WWOX: variants seen among roughly 807,000 people sequenced by gnomAD.
WWOX encodes WW domain-containing oxidoreductase.
WWOX carries 69 observed loss-of-function variants against 46.2 expected under a neutral mutation model. The observed-to-expected ratio is 1.49, with a 90% CI of 1.23 to 1.82. WWOX has a LOEUF of 1.82. Ranked by LOEUF, WWOX falls within the 40% of genes most tolerant of loss-of-function variation. The pLI is 0.00. For missense variants in WWOX, 919 were observed against 542.6 expected (o/e 1.69, Z -6.89); for synonymous variants, 359 against 202.6 (o/e 1.77, Z -6.56).
chr16:78,539,921 C>G (rs921965715), intron 8 of WWOX, among the ~76,000 whole-genome samples: 3 of 152,074 alleles, frequency 2.0e-5, no homozygotes, highest in Non-Finnish European at 4.4e-5. Flanking sequence ...TATAAAACCA[C>G]ACTTACATTT....
chr16:78,935,421 G>T (rs906858687), intron 8 of WWOX, among the ~76,000 whole-genome samples: 2 of 152,048 alleles, frequency 1.3e-5, no homozygotes, highest in Non-Finnish European at 2.9e-5. Context: ...ATACTACACA[G>T]CCATAAAAAA....
intron 8 of WWOX, among the ~76,000 whole-genome samples, chr16:78,522,143 T>TA (rs76799048): frequency 0.19 from 26,630 of 136,646 alleles, 2,540 homozygotes; most frequent in South Asian, 0.34. Context: ...TGGAAGGCTT[T>TA]AAAAAAAAAA....
At chr16:78,689,137 C>T (rs1365478586) in intron 8 of WWOX, among the ~76,000 whole-genome samples, 1 of 152,138 alleles carries the variant, frequency 6.6e-6, no homozygotes, top group Non-Finnish European at 1.5e-5. Context: ...AGAACATCTC[C>T]AAACACACAG....
chr16:78,879,642 C>T (rs1016086366), intron 8 of WWOX, among the ~76,000 whole-genome samples: 4 of 152,136 alleles, frequency 2.6e-5, no homozygotes, highest in Non-Finnish European at 5.9e-5. Flanking sequence ...CTTTGGGAGG[C>T]CGAGGCAGGC....
intron 8 of WWOX, chr16:79,206,727 T>C (rs561260786): frequency 6.0e-4 from 92 of 152,340 alleles, no homozygotes; most frequent in African/African-American, 2.0e-3. Context: ...TTAGCACTTA[T>C]TCCAAATTGA....
intron 6 of WWOX, among the ~76,000 whole-genome samples, chr16:78,418,892 G>C (rs554568386): frequency 1.8e-4 from 28 of 152,022 alleles, no homozygotes; most frequent in African/African-American, 6.3e-4. Context: ...AATAAGACAA[G>C]GATATTCACT....
intron 8 of WWOX, among the ~76,000 whole-genome samples, chr16:79,096,148 A>C (rs1206786558): frequency 6.6e-6 from 1 of 150,942 alleles, no homozygotes; most frequent in Non-Finnish European, 1.5e-5. Context: ...GATTACAGGC[A>C]TGAGCCACAG....
intron 8 of WWOX, among the ~76,000 whole-genome samples, chr16:79,112,754 G>A (rs546732824): frequency 1.3e-5 from 2 of 152,266 alleles, no homozygotes; most frequent in Non-Finnish European, 2.9e-5. Context: ...TTTAGAGCTG[G>A]AAGACAGGAG....
At chr16:78,776,833 C>G (rs1027891888) in intron 8 of WWOX, among the ~76,000 whole-genome samples, 32 of 152,202 alleles carry the variant, frequency 2.1e-4, no homozygotes, top group Non-Finnish European at 4.3e-4. Context: ...ATAAAACCAT[C>G]AGATCGCGTA....
intron 8 of WWOX, among the ~76,000 whole-genome samples, chr16:78,982,888 G>T (rs907911296): frequency 4.6e-5 from 7 of 152,102 alleles, no homozygotes; most frequent in Non-Finnish European, 1.0e-4. Context: ...TTTGATTTCT[G>T]TGTGGTGATG....
At chr16:78,982,976 T>C (rs2046712375) in intron 8 of WWOX, among the ~76,000 whole-genome samples, 1 of 152,306 alleles carries the variant, frequency 6.6e-6, no homozygotes, top group South Asian at 2.1e-4. Context: ...AGAAGCAGTC[T>C]TTGGGGCTGT....
intron 8 of WWOX, among the ~76,000 whole-genome samples, chr16:78,988,411 G>C (rs1022333516): frequency 2.3e-4 from 35 of 151,790 alleles, no homozygotes; most frequent in Non-Finnish European, 5.9e-5. Context: ...AGGGGTGGCT[G>C]TCACCATCCT....
At chr16:79,104,170 C>G (rs543243660) in intron 8 of WWOX, among the ~76,000 whole-genome samples, 1 of 151,812 alleles carries the variant, frequency 6.6e-6, no homozygotes, top group South Asian at 2.1e-4. Context: ...AATAGGTGAA[C>G]TACTCTAAAG....
intron 8 of WWOX, among the ~76,000 whole-genome samples, chr16:78,587,234 C>G (rs1465192394): frequency 7.5e-6 from 1 of 134,110 alleles, no homozygotes; most frequent in Non-Finnish European, 1.5e-5. Context: ...CAGAGTCTCT[C>G]TATGTTGCCC....
chr16:79,163,724 G>A (rs143490274), intron 8 of WWOX, among the ~76,000 whole-genome samples: 334 of 151,428 alleles, frequency 2.2e-3, no homozygotes, highest in Middle Eastern at 0.021. Context: ...CTGGAACTGG[G>A]AGGCGGAGGT....
At chr16:79,055,490 C>T (rs568565117) in intron 8 of WWOX, among the ~76,000 whole-genome samples, 91 of 152,138 alleles carry the variant, frequency 6.0e-4, no homozygotes, top group East Asian at 3.3e-3. Flanking sequence ...CCTTGTGGAG[C>T]GGGAAATGGC....
chr16:79,061,962 C>A (rs919635042), intron 8 of WWOX, among the ~76,000 whole-genome samples: 6 of 152,156 alleles, frequency 3.9e-5, no homozygotes, highest in African/African-American at 1.4e-4. Flanking sequence ...GCTAGCCTCC[C>A]CTTGTAGTGC....
chr16:79,023,800 A>AAG (rs2047583032), intron 8 of WWOX, among the ~76,000 whole-genome samples: 1 of 150,576 alleles, frequency 6.6e-6, no homozygotes, highest in Non-Finnish European at 1.5e-5. Flanking sequence ...TACAAAAAAA[A>AAG]AAAAAATTAG....
chr16:78,297,009 T>C (rs1455539944), intron 5 of WWOX, among the ~76,000 whole-genome samples: 1 of 152,198 alleles, frequency 6.6e-6, no homozygotes, highest in Non-Finnish European at 1.5e-5. Flanking sequence ...TCTTCTTATA[T>C]TTTTGAAGGC....
Sources: gnomAD v4.1 joint callset for allele counts (sites outside exome capture counted in the v4.1 genomes callset) on GRCh38, gnomAD v4.1.1 for gene constraint, MANE v1.5 for transcripts, NCBI Gene and HGNC (gene_info 2026-07-23, HGNC 2026-07-21) for gene names.